The following ATP8A1 variants were observed in gnomAD, a reference collection of about 807,000 sequenced individuals.
ATP8A1 encodes phospholipid-transporting ATPase IA.
A neutral mutation model predicts 177.7 loss-of-function variants in ATP8A1; 90 were observed. The observed-to-expected ratio is 0.51, with a 90% CI of 0.43 to 0.60. ATP8A1 has a LOEUF of 0.60. Among genes scored for constraint, ATP8A1 ranks in the 20% least tolerant of loss-of-function variants. The pLI is 0.00. For synonymous variants in ATP8A1, 493 were observed against 485.9 expected, an observed-to-expected ratio of 1.01 and a Z score of -0.19; for missense variants, 1,072 against 1,392.8, an observed-to-expected ratio of 0.77 and a Z score of 3.67.
intron 1 of ATP8A1, among the ~76,000 whole-genome samples, chr4:42,654,189 GGCCTTAT>G (rs1418229973): frequency 6.6e-6 from 1 of 152,128 alleles, no homozygotes; most frequent in Non-Finnish European, 1.5e-5. Flanking sequence ...TCACTCAGCA[GGCCTTAT>G]GTTCAGTAAT....
At chr4:42,462,710 T>A (rs1049279772) in intron 27 of ATP8A1, among the ~76,000 whole-genome samples, 2 of 152,210 alleles carry the variant, frequency 1.3e-5, no homozygotes, top group Admixed American at 6.5e-5. Context: ...AGAGGGCCAC[T>A]GTCCTCCAGA....
chr4:42,435,336 C>T (rs1295935396), intron 33 of ATP8A1, among the ~76,000 whole-genome samples: 1 of 145,840 alleles, frequency 6.9e-6, no homozygotes, highest in Non-Finnish European at 1.5e-5. Context: ...TGAGGCAGGA[C>T]AATAGCTTGA....
At chr4:42,487,860 C>G (rs1722350012) in intron 24 of ATP8A1, among the ~76,000 whole-genome samples, 1 of 152,162 alleles carries the variant, frequency 6.6e-6, no homozygotes, top group Admixed American at 6.5e-5. Context: ...CTTCACTTAA[C>G]AGTTGCCCTG....
At chr4:42,540,207 A>G (rs74776587) in intron 20 of ATP8A1, among the ~76,000 whole-genome samples, 1,543 of 152,268 alleles carry the variant, frequency 0.01, 20 homozygotes, top group African/African-American at 0.036. Context: ...TAGCAATCAG[A>G]GGCAAATCAA....
chr4:42,501,884 G>A (rs955027201), intron 24 of ATP8A1, among the ~76,000 whole-genome samples: 2 of 152,192 alleles, frequency 1.3e-5, no homozygotes, highest in African/African-American at 2.4e-5. Context: ...GTGTTAGAAT[G>A]CCTGGCAGTC....
intron 4 of ATP8A1, among the ~76,000 whole-genome samples, chr4:42,617,410 G>C (rs1353691053): frequency 6.6e-6 from 1 of 152,126 alleles, no homozygotes; most frequent in African/African-American, 2.4e-5. Flanking sequence ...CTTTCAATAG[G>C]CATATTATTG....
At position 42,485,672 on chromosome 4, in the gene ATP8A1, G is replaced by C; in HGVS notation, c.2152-4C>G. ...GACTGAGAGTTTCCCTTGTTCCCTGGAATATTAAACAAGCAAAAATGCCAT... is the reference window on the plus strand; with the variant it reads ...GACTGAGAGTTTCCCTTGTTCCCTGCAATATTAAACAAGCAAAAATGCCAT... On this transcript the variant is annotated splice_polypyrimidine_tract_variant and splice_region_variant and intron_variant, in intron 24 of 36. Transcript: ENST00000381668. 1.9e-6 allele frequency: 3 copies of C among 1,605,742 alleles called. No homozygotes were observed. The highest frequency in any genetic ancestry group is 2.6e-6 in the Non-Finnish European group (3 of 1,176,438).
chr4:42,513,333 TC>T (rs1725205178), intron 22 of ATP8A1, among the ~76,000 whole-genome samples: 1 of 152,142 alleles, frequency 6.6e-6, no homozygotes, highest in Non-Finnish European at 1.5e-5. Context: ...TTATACCCTA[TC>T]TTAAAAAATG....
At chr4:42,507,582 A>T (rs1724504661) in intron 22 of ATP8A1, among the ~76,000 whole-genome samples, 1 of 151,816 alleles carries the variant, frequency 6.6e-6, no homozygotes, top group African/African-American at 2.4e-5. Flanking sequence ...ACAAGAAAGC[A>T]GCTGGGCATG....
chr4:42,497,186 C>T (rs1385160793), intron 24 of ATP8A1, among the ~76,000 whole-genome samples: 1 of 152,192 alleles, frequency 6.6e-6, no homozygotes, highest in South Asian at 2.1e-4. Flanking sequence ...AATCAAGGTT[C>T]ACATTTAAGA....
intron 24 of ATP8A1, among the ~76,000 whole-genome samples, chr4:42,490,485 G>T (rs1327608444): frequency 2.0e-5 from 3 of 152,066 alleles, no homozygotes; most frequent in Admixed American, 2.0e-4. Flanking sequence ...GTCCAAATTT[G>T]GCCCCTGTCA....
intron 20 of ATP8A1, among the ~76,000 whole-genome samples, chr4:42,537,746 T>G (rs1295333330): frequency 6.6e-6 from 1 of 152,140 alleles, no homozygotes; most frequent in Non-Finnish European, 1.5e-5. Context: ...AAAACACTGC[T>G]GAAAGAAATC....
chr4:42,466,865 G>A (rs1255907997), intron 25 of ATP8A1, among the ~76,000 whole-genome samples: 2 of 152,056 alleles, frequency 1.3e-5, no homozygotes, highest in African/African-American at 4.8e-5. Context: ...GTTTAAACCT[G>A]GACTATAGTT....
intron 33 of ATP8A1, among the ~76,000 whole-genome samples, chr4:42,442,758 T>G (rs1716768141): frequency 6.6e-6 from 1 of 152,180 alleles, no homozygotes; most frequent in South Asian, 2.1e-4. Flanking sequence ...AACAAATACA[T>G]GAAAACCACT....
chr4:42,507,224 G>A, intron 22 of ATP8A1, 70 bp from the exon 23 acceptor site: 1 of 1,468,586 alleles, frequency 6.8e-7, no homozygotes, highest in African/African-American at 1.4e-5. Context: ...AAATTGAAGT[G>A]TGTATATGTT....
chr4:42,528,751 A>T (rs539756126), intron 20 of ATP8A1, among the ~76,000 whole-genome samples: 1 of 152,144 alleles, frequency 6.6e-6, no homozygotes, highest in East Asian at 1.9e-4. Context: ...TCACTTCCAC[A>T]AGATATCACA....
At chr4:42,434,356 T>C (rs1339060834) in intron 33 of ATP8A1, among the ~76,000 whole-genome samples, 1 of 152,214 alleles carries the variant, frequency 6.6e-6, no homozygotes, top group Non-Finnish European at 1.5e-5. Context: ...AAAAAATCTT[T>C]AAAAAGCCAT....
At chr4:42,618,420 C>T (rs1245882124) in intron 4 of ATP8A1, among the ~76,000 whole-genome samples, 1 of 152,158 alleles carries the variant, frequency 6.6e-6, no homozygotes, top group Non-Finnish European at 1.5e-5. Flanking sequence ...TATCTGGTTG[C>T]CTCTTTAACA....
chr4:42,647,356 T>G lies in ATP8A1; in HGVS notation c.49+9469A>C, dbSNP rs1272483997. 5.9e-5 allele frequency among the ~76,000 whole-genome samples: 9 copies of G among 152,286 alleles called. No homozygotes were observed. The East Asian group carries it at 1.7e-3, about 29-fold the overall frequency. On this transcript the variant is annotated intron_variant, in intron 1 of 36. Transcript: ENST00000381668. ...TTTACAACTATGCTGTTCAATACAG[T>G]GGCCACTAGTCACATGTAGCTACTG...
Sources: allele counts gnomAD v4.1 joint callset (sites outside exome capture counted in the v4.1 genomes callset), GRCh38; gene constraint gnomAD v4.1.1; transcripts MANE v1.5; gene names NCBI Gene and HGNC (gene_info 2026-07-23, HGNC 2026-07-21).